Variants in GALNS observed in about 807,000 individuals in gnomAD.
GALNS encodes galactosamine (N-acetyl)-6-sulfatase.
A neutral mutation model predicts 65.9 loss-of-function variants in GALNS; 65 were observed. That is an observed-to-expected ratio of 0.99 (90% CI 0.81 to 1.21). GALNS has a LOEUF of 1.21. Among genes scored for constraint, GALNS ranks in the 50% most tolerant of loss-of-function variants. The probability of loss-of-function intolerance (pLI) is 0.00; values close to 1 mark genes in which losing one functional copy is unlikely to be tolerated. For missense variants in GALNS, 776 were observed against 700.7 expected (o/e 1.11, Z -1.21); for synonymous variants, 346 against 288.9 (o/e 1.20, Z -2.00).
rs143793386 is a variant in GALNS at position 88,832,105 on chromosome 16, G to C, written c.899-4C>G. On this transcript the variant is annotated splice_region_variant and splice_polypyrimidine_tract_variant and intron_variant, in intron 8 of 13. Coordinates refer to ENST00000268695, the MANE Select transcript of GALNS (RefSeq NM_000512.5). ...AGAAAGGGGCCGTTGCTGCCACCTG[G>C]GAGAGAGGGGCCCTTGTCAGGCCAC... The C allele has an allele frequency of 1.5e-3, 2,353 of 1,612,902 alleles. 31 individuals are homozygous for C. In the African/African-American group the frequency reaches 0.025, roughly 17 times the overall value.
At chr16:88,836,035 C>G (rs914740163) in intron 6 of GALNS, among the ~76,000 whole-genome samples, 166 bp downstream of exon 6, 6 of 151,752 alleles carry the variant, frequency 4.0e-5, no homozygotes, top group Admixed American at 2.0e-4. Flanking sequence ...GGTGCGGTCC[C>G]CGTCCCCACG....
In GALNS at chr16:88,832,112, G is replaced by A. The variant is rs1415775292; in HGVS notation, c.899-11C>T. 3.1e-6 allele frequency: 5 copies of A among 1,611,806 alleles called. No homozygotes were observed. The highest frequency in any genetic ancestry group is 1.3e-5 in the African/African-American group (1 of 74,966). On this transcript the variant is annotated splice_polypyrimidine_tract_variant and intron_variant, in intron 8 of 13. Coordinates refer to ENST00000268695, the MANE Select transcript of GALNS (RefSeq NM_000512.5). Reference sequence around the variant, plus strand: ...GGCCGTTGCTGCCACCTGGGAGAGAGGGGCCCTTGTCAGGCCACTGGGACC... The same window carrying A: ...GGCCGTTGCTGCCACCTGGGAGAGAAGGGCCCTTGTCAGGCCACTGGGACC...
At chr16:88,847,206 A>G (rs574070424) in intron 1 of GALNS, among the ~76,000 whole-genome samples, 25 of 152,112 alleles carry the variant, frequency 1.6e-4, no homozygotes, top group African/African-American at 5.8e-4. Flanking sequence ...CCCCATCTCT[A>G]TAAAAAATCA....
intron 8 of GALNS, among the ~76,000 whole-genome samples, 165 bp from the exon 9 acceptor site, chr16:88,832,266 C>A (rs1911588104): frequency 6.6e-6 from 1 of 152,146 alleles, no homozygotes; most frequent in Non-Finnish European, 1.5e-5. Context: ...TCCAGGGGCT[C>A]ATCTGAGATG....
chr16:88,837,590 A>G (rs199669693), intron 5 of GALNS, 32 bp downstream of exon 5: 99 of 1,609,504 alleles, frequency 6.2e-5, no homozygotes, highest in Admixed American at 2.5e-4. Flanking sequence ...GCAGTTCAGG[A>G]CGTGGGAGGG....
rs557755107 is a variant in GALNS, at chr16:88,816,526, G to A, written c.1482+1481C>T. The A allele has an allele frequency of 3.8e-5, 36 of 943,970 alleles. No individual in the cohort carries two copies. The African/African-American group carries it at 3.8e-4, about 10-fold the overall frequency. The allele number at this position is 943,970 out of a possible 1,614,324, so 58.5% of individuals were successfully genotyped here. ...AACTTGCCAGGCACCCCCGCCCCCC[G>A]CCCCCCAACTAACGGAGGTGGCCCT... On this transcript the variant is annotated intron_variant, in intron 13 of 13. Transcript: ENST00000268695.
At chr16:88,816,375 C>A (rs1003507075) in intron 13 of GALNS, 1 of 985,304 alleles carries the variant, frequency 1.0e-6, no homozygotes, top group Non-Finnish European at 1.2e-6. Flanking sequence ...TGGCCCTGGG[C>A]TCCTGGGGCC....
At chr16:88,827,539 C>A (rs2142996385) in intron 9 of GALNS, among the ~76,000 whole-genome samples, 1 of 152,310 alleles carries the variant, frequency 6.6e-6, no homozygotes, top group Non-Finnish European at 1.5e-5. Flanking sequence ...CTCTGCCTTC[C>A]AGGTTCAAGT....
At chr16:88,855,062 A>G in intron 1 of GALNS, 1 of 397,722 alleles carries the variant, frequency 2.5e-6, no homozygotes, top group Non-Finnish European at 4.9e-6. Flanking sequence ...ATGGAAACGT[A>G]GGGTGAGTCC....
At chr16:88,831,849 G>C (rs116973927) in intron 9 of GALNS, 149 bp downstream of exon 9, 8 of 698,718 alleles carry the variant, frequency 1.1e-5, no homozygotes, top group East Asian at 5.5e-5. Context: ...CATGGGGTGC[G>C]TGGAGGCTGA....
chr16:88,842,494 G>A (rs1480667352), intron 2 of GALNS: 15 of 626,070 alleles, frequency 2.4e-5, no homozygotes, highest in South Asian at 2.0e-4. Context: ...CCGCAACTTC[G>A]ACCCTGAAAA....
In GALNS at chr16:88,840,987, C is replaced by T. The variant is rs567011714; in HGVS notation, c.422+5G>A. 6.8e-6 allele frequency: 11 copies of T among 1,611,780 alleles called. No individual in the cohort carries two copies. In the East Asian group the frequency reaches 2.5e-4, roughly 36 times the overall value. ...CGCCTGGGCAGGCGTGGCCAGGAGA[C>T]TTACCACTTGCCGACAATCTTGCTG... On this transcript the variant is annotated splice_donor_5th_base_variant and intron_variant, in intron 4 of 13. Coordinates refer to ENST00000268695, the MANE Select transcript of GALNS (RefSeq NM_000512.5).
Position 88,832,007 on chromosome 16 carries a change from A to G in GALNS, c.993T>C (p.Thr331=), listed in dbSNP as rs762154863. The change falls in exon 9 of 14, where the codon ACT becomes ACC. Residue 331 remains threonine (T), a synonymous_variant. Coordinates refer to ENST00000268695, the MANE Select transcript of GALNS (RefSeq NM_000512.5). ...GTGGACGCTGACTCACCTGGCCTGC[A>G]GTGACGTGCCCTGGCCACCATGCGA... The part of the protein sequence containing the change: ...PALAWWPGHV[T]AGQVSHQLGS... 4 of 1,613,150 alleles carry G rather than the reference A, an allele frequency of 2.5e-6. No individual in the cohort carries two copies. Among genetic ancestry groups the G allele is most frequent in the African/African-American group, 1.3e-5 (1 of 74,834 alleles).
At chr16:88,821,183 G>C (rs1343084114) in intron 12 of GALNS, among the ~76,000 whole-genome samples, 5 of 143,226 alleles carry the variant, frequency 3.5e-5, no homozygotes, top group African/African-American at 1.3e-4. Flanking sequence ...CCAGAGGCCA[G>C]AGGCTGAAAC....
intron 1 of GALNS, among the ~76,000 whole-genome samples, chr16:88,847,787 T>A (rs919464107): frequency 6.6e-6 from 1 of 152,214 alleles, no homozygotes; most frequent in Admixed American, 6.5e-5. Context: ...CAGCACCTGG[T>A]GAGAGGTCCG....
chr16:88,842,521 C>G (rs1041875795), intron 2 of GALNS, 185 bp downstream of exon 2: 1 of 707,760 alleles, frequency 1.4e-6, no homozygotes, highest in Non-Finnish European at 2.3e-6. Flanking sequence ...AGGTGCCGCA[C>G]CCCACATGGC....
intron 9 of GALNS, among the ~76,000 whole-genome samples, chr16:88,827,692 C>T (rs113169649): frequency 0.016 from 2,423 of 152,256 alleles, 71 homozygotes; most frequent in African/African-American, 0.055. Context: ...GTGATCTGCC[C>T]GCCTCAGCCT....
rs746184767 is a variant in GALNS, at chr16:88,837,744, C to T, written c.444G>A (p.Gln148=). 1.2e-6 allele frequency: 2 copies of T among 1,613,904 alleles called. No individual in the cohort carries two copies. Among genetic ancestry groups the T allele is most frequent in the Non-Finnish European group, 1.7e-6 (2 of 1,180,020 alleles). ...CAAATCCGTGCTTCAGGGGGTGGAA[C>T]TGGGGCCTGTGACCCAGATGCCTGG... ...VGKWHLGHRP[Q]FHPLKHGFDE... is the part of the protein sequence containing the mutation. Residue 148 remains glutamine, a synonymous_variant, in exon 5 of 14, where the codon CAG becomes CAA. Coordinates refer to ENST00000268695, the MANE Select transcript of GALNS (RefSeq NM_000512.5).
At chr16:88,837,595 G>A in intron 5 of GALNS, 27 bp downstream of exon 5, 1 of 1,610,774 alleles carries the variant, frequency 6.2e-7, no homozygotes, top group East Asian at 2.2e-5. Flanking sequence ...TCAGGACGTG[G>A]GAGGGGAAGG....
Sources: allele counts gnomAD v4.1 joint callset (sites outside exome capture counted in the v4.1 genomes callset), GRCh38; gene constraint gnomAD v4.1.1; transcripts MANE v1.5; gene names NCBI Gene and HGNC (gene_info 2026-07-23, HGNC 2026-07-21).